ZBTB20: variants seen among roughly 807,000 people sequenced by gnomAD.
ZBTB20 encodes zinc finger and BTB domain-containing protein 20.
In ZBTB20, 9 loss-of-function variants were observed where a neutral mutation model predicts 56.9. That is an observed-to-expected ratio of 0.16 (90% CI 0.10 to 0.28). The LOEUF (loss-of-function observed/expected upper bound fraction) is 0.28, where lower values mean the gene tolerates loss of function less well. Among genes scored for constraint, ZBTB20 ranks in the 10% least tolerant of loss-of-function variants. The pLI is 1.00. For synonymous variants in ZBTB20, 417 were observed against 420.7 expected (o/e 0.99, Z 0.11); for missense variants, 655 against 1,003.0 (o/e 0.65, Z 4.69).
intron 6 of ZBTB20, chr3:114,518,945 C>A (rs1208981735): frequency 6.6e-6 from 1 of 152,168 alleles, no homozygotes; most frequent in Non-Finnish European, 1.5e-5. Context: ...ATTTATCTGG[C>A]CCCAAAGGTT....
intron 7 of ZBTB20, among the ~76,000 whole-genome samples, chr3:114,444,416 C>T (rs1474386225): frequency 6.6e-6 from 1 of 152,108 alleles, no homozygotes; most frequent in Non-Finnish European, 1.5e-5. Flanking sequence ...ACATATTTGT[C>T]CCTGCCACAT....
intron 1 of ZBTB20, among the ~76,000 whole-genome samples, chr3:115,077,802 A>G (rs181900634): frequency 2.0e-5 from 3 of 152,188 alleles, no homozygotes; most frequent in African/African-American, 7.2e-5. Flanking sequence ...AAAATGGTGA[A>G]GCACTATGGA....
At chr3:114,389,887 CAAAAAAAAA>C (rs34247337) in intron 7 of ZBTB20, among the ~76,000 whole-genome samples, 1 of 77,630 alleles carries the variant, frequency 1.3e-5, no homozygotes, top group South Asian at 5.4e-4. Context: ...GAGTCCATCT[CAAAAAAAAA>C]AAAAAAAAAA....
chr3:114,637,926 T>C (rs1414469843), intron 6 of ZBTB20, among the ~76,000 whole-genome samples: 1 of 152,078 alleles, frequency 6.6e-6, no homozygotes, highest in Non-Finnish European at 1.5e-5. Flanking sequence ...TAGCCCACAC[T>C]GTTTCCTTTT....
At chr3:114,436,084 C>T (rs1576751487) in intron 7 of ZBTB20, among the ~76,000 whole-genome samples, 1 of 152,168 alleles carries the variant, frequency 6.6e-6, no homozygotes, top group East Asian at 1.9e-4. Context: ...ACCTTCCCAC[C>T]CGCCAACGGT....
intron 6 of ZBTB20, among the ~76,000 whole-genome samples, chr3:114,504,913 C>T (rs1474676207): frequency 1.3e-5 from 2 of 152,174 alleles, no homozygotes; most frequent in Non-Finnish European, 2.9e-5. Flanking sequence ...AAGTGTGTGC[C>T]ATTCCAAAAT....
chr3:114,368,844 G>C (rs1312704137), intron 10 of ZBTB20, among the ~76,000 whole-genome samples: 2 of 152,192 alleles, frequency 1.3e-5, no homozygotes, highest in Non-Finnish European at 2.9e-5. Context: ...CCAGGATCTA[G>C]TCACCCATCT....
At chr3:114,952,235 G>T (rs1435491176) in intron 3 of ZBTB20, among the ~76,000 whole-genome samples, 1 of 152,036 alleles carries the variant, frequency 6.6e-6, no homozygotes, top group African/African-American at 2.4e-5. Context: ...ATAGACTAAT[G>T]TCATTAATGT....
At chr3:114,548,804 C>T (rs1447166355) in intron 6 of ZBTB20, among the ~76,000 whole-genome samples, 2 of 152,258 alleles carry the variant, frequency 1.3e-5, no homozygotes, top group East Asian at 3.9e-4. Context: ...CATGCGTGAG[C>T]CACCACACTT....
intron 4 of ZBTB20, among the ~76,000 whole-genome samples, chr3:114,884,761 A>G (rs561130568): frequency 1.3e-5 from 2 of 152,228 alleles, no homozygotes; most frequent in Non-Finnish European, 2.9e-5. Flanking sequence ...CTAATAAAAA[A>G]AAATAAGTTT....
chr3:114,770,398 G>C (rs2069112705), intron 5 of ZBTB20, among the ~76,000 whole-genome samples: 2 of 151,034 alleles, frequency 1.3e-5, no homozygotes, highest in South Asian at 2.1e-4. Flanking sequence ...TCAGTGAGCT[G>C]AGATTATGCC....
chr3:114,879,013 G>A (rs962775942), intron 4 of ZBTB20, among the ~76,000 whole-genome samples: 16 of 152,142 alleles, frequency 1.1e-4, no homozygotes, highest in Non-Finnish European at 2.1e-4. Context: ...ATTATCATCC[G>A]TATCTGGGTG....
chr3:115,113,546 G>A (rs2108631395), intron 1 of ZBTB20, among the ~76,000 whole-genome samples: 1 of 152,364 alleles, frequency 6.6e-6, no homozygotes, highest in South Asian at 2.1e-4. Context: ...GCTCTGGACT[G>A]CTGATTGCAA....
chr3:115,009,366 A>G (rs905704290), intron 2 of ZBTB20, among the ~76,000 whole-genome samples: 1 of 152,046 alleles, frequency 6.6e-6, no homozygotes, highest in Non-Finnish European at 1.5e-5. Flanking sequence ...ATTTTGCTTT[A>G]ACAAAGCCAA....
chr3:114,846,140 T>C (rs368327354), intron 4 of ZBTB20, among the ~76,000 whole-genome samples: 17 of 152,156 alleles, frequency 1.1e-4, no homozygotes, highest in East Asian at 3.9e-4. Flanking sequence ...CACACCTACA[T>C]ATACCTATAT....
At chr3:114,685,308 A>G (rs2062262693) in intron 6 of ZBTB20, among the ~76,000 whole-genome samples, 1 of 152,198 alleles carries the variant, frequency 6.6e-6, no homozygotes. Context: ...GTGATTAGGC[A>G]TCAGCAGGCT....
chr3:114,925,024 G>A (rs1251194857), intron 3 of ZBTB20, among the ~76,000 whole-genome samples: 7 of 128,712 alleles, frequency 5.4e-5, no homozygotes, highest in Admixed American at 9.5e-5. Context: ...TTGCTCTGTC[G>A]CCAGGATGGA....
At chr3:114,605,872 T>C (rs1358966203) in intron 6 of ZBTB20, among the ~76,000 whole-genome samples, 5 of 152,040 alleles carry the variant, frequency 3.3e-5, no homozygotes, top group African/African-American at 1.2e-4. Context: ...GATCCATTCA[T>C]GAACTGCAGG....
chr3:114,570,637 T>C (rs558078124), intron 6 of ZBTB20, among the ~76,000 whole-genome samples: 18 of 152,274 alleles, frequency 1.2e-4, no homozygotes, highest in African/African-American at 4.3e-4. Context: ...TTCTGCTGAA[T>C]CTAACTTTAT....
Sources: allele counts gnomAD v4.1 joint callset (sites outside exome capture counted in the v4.1 genomes callset), GRCh38; gene constraint gnomAD v4.1.1; transcripts MANE v1.5; gene names NCBI Gene and HGNC (gene_info 2026-07-23, HGNC 2026-07-21).